The following MVD variants were observed in gnomAD, a reference collection of about 807,000 sequenced individuals.
MVD encodes the protein diphosphomevalonate decarboxylase.
Under a neutral mutation model 42.4 loss-of-function variants are expected in MVD, and 52 were observed. The observed-to-expected ratio is 1.23, with a 90% CI of 0.98 to 1.55. The LOEUF (loss-of-function observed/expected upper bound fraction) is 1.55. Among genes scored for constraint, MVD ranks in the 40% most tolerant of loss-of-function variants. The pLI, the probability that MVD is intolerant of heterozygous loss-of-function variation, is 0.00. For synonymous variants in MVD, 287 were observed against 243.2 expected (o/e 1.18, Z -1.68); for missense variants, 663 against 572.1 (o/e 1.16, Z -1.62).
In MVD at chr16:88,663,067, T is replaced by C; in HGVS notation, c.14A>G (p.Lys5Arg). The change falls in exon 1 of 10, where the codon AAG becomes AGG. Residue 5 changes from lysine to arginine, a missense_variant. Transcript: ENST00000301012. ...TGTACAAGTGACTGCCGCCAGCGGC[T>C]TCTCCGAGGCCATGGTCCCACCGCG... MASE[K>R]PLAAVTCTAP... The C allele has an allele frequency of 1.9e-6, 3 of 1,609,938 alleles. No individual in the cohort carries two copies. The highest frequency in any genetic ancestry group is 2.5e-6 in the Non-Finnish European group (3 of 1,178,846).
chr16:88,654,563 C>G (rs1907783755), intron 8 of MVD, 129 bp downstream of exon 8: 2 of 891,562 alleles, frequency 2.2e-6, no homozygotes. Context: ...GGCTCCCACA[C>G]TCGGGGGACT....
chr16:88,658,536 C>G (rs992087238), intron 2 of MVD, 114 bp downstream of exon 2: 1 of 1,031,072 alleles, frequency 9.7e-7, no homozygotes, highest in South Asian at 1.4e-5. Flanking sequence ...GCTCAAGAGA[C>G]TCTCCCCAAG....
At chr16:88,662,889 T>C in intron 1 of MVD, 122 bp downstream of exon 1, 1 of 1,487,264 alleles carries the variant, frequency 6.7e-7, no homozygotes, top group Non-Finnish European at 8.9e-7. Flanking sequence ...GAGCCTCAGT[T>C]TCCCCGTCTG....
In MVD at chr16:88,656,162, G is replaced by A. The variant is rs151169898; in HGVS notation, c.546C>T (p.Ile182=). The A allele has an allele frequency of 1.4e-5, 22 of 1,602,050 alleles. No individual in the cohort carries two copies. Among genetic ancestry groups the A allele is most frequent in the Middle Eastern group, 1.6e-4 (1 of 6,084 alleles). ...MGEQADGKDS[I]ARQVAPESHW... is the part of the protein sequence containing the mutation. ...GTGACTCGGGGGCCACTTGCCGAGC[G>A]ATGCTGTCCTTCCCGTCGGCCTGCT... The change falls in exon 5 of 10, where the codon ATC becomes ATT. Residue 182 remains isoleucine (I), a synonymous_variant. Transcript: ENST00000301012.
chr16:88,661,361 A>G (rs1033258552), intron 1 of MVD, among the ~76,000 whole-genome samples: 1 of 152,212 alleles, frequency 6.6e-6, no homozygotes, highest in African/African-American at 2.4e-5. Context: ...CCACATGTCC[A>G]ACAGGAGACT....
At chr16:88,662,418 G>A (rs536956886) in intron 1 of MVD, among the ~76,000 whole-genome samples, 1 of 152,374 alleles carries the variant, frequency 6.6e-6, no homozygotes, top group African/African-American at 2.4e-5. Flanking sequence ...AGAAATGAGT[G>A]GTCAGTGGCG....
In MVD at chr16:88,655,333, G is replaced by C. The variant is rs770206347; in HGVS notation, c.763C>G (p.Leu255Val). 6.2e-7 allele frequency: 1 copy of C among 1,601,282 alleles called. No individual in the cohort carries two copies. The part of the protein sequence containing the change: ...RERDFPSFAQ[L>V]TMKDSNQFHA... Reference sequence around the variant, plus strand: ...AACTGGTTGCTGTCCTTCATGGTCAGCTGGGCGAAGCTGGGGAAGTCTCGC... The same window carrying C: ...AACTGGTTGCTGTCCTTCATGGTCACCTGGGCGAAGCTGGGGAAGTCTCGC... The change falls in exon 7 of 10, where the codon CTG (leucine) becomes GTG (valine). Residue 255 changes from leucine (L) to valine (V), a missense_variant. By Grantham distance (32) the Leu-to-Val change is conservative (BLOSUM62 1). Transcript: ENST00000301012.
rs1047499515 is a variant in MVD at position 88,653,211 on chromosome 16, G to T, written c.1122+89C>A. On this transcript the variant is annotated intron_variant, in intron 9 of 9. Coordinates refer to ENST00000301012, the MANE Select transcript of MVD (RefSeq NM_002461.3). ...TGAGACACGGTAGGGACAGGGAGCC[G>T]CGCTTAGCCTTTAAGGGCCCTGGGG... The T allele has an allele frequency of 6.8e-5, 69 of 1,012,352 alleles. No individual in the cohort carries two copies. In the East Asian group the frequency reaches 1.8e-3, roughly 26 times the overall value. The allele number at this position is 1,012,352 out of a possible 1,614,324, so 62.7% of individuals were successfully genotyped here.
chr16:88,654,757 G>T lies in MVD; in HGVS notation c.948C>A (p.Asp316Glu). Reference protein sequence around the residue: ...AGPNAVIFTLDDTVAEFVAAV... With the variant: ...AGPNAVIFTLEDTVAEFVAAV... ...CAGCCACAAACTCAGCCACAGTGTC[G>T]TCCAGGGTGAAGATCACGGCATTGG... Residue 316 changes from aspartate to glutamate, a missense_variant, in exon 8 of 10, where the codon GAC becomes GAA. Asp to Glu is a conservative substitution (Grantham distance 45). Transcript: ENST00000301012. 6.2e-7 allele frequency: 1 copy of T among 1,600,638 alleles called. No individual in the cohort carries two copies. The highest frequency in any genetic ancestry group is 8.5e-7 in the Non-Finnish European group (1 of 1,175,774).
Position 88,656,156 on chromosome 16 carries a change from C to A in MVD, c.552G>T (p.Arg184=), listed in dbSNP as rs1907910306. ...GCCAGTGTGACTCGGGGGCCACTTG[C>A]CGAGCGATGCTGTCCTTCCCGTCGG... is the stretch of plus-strand genomic sequence containing the variant. ...EQADGKDSIA[R]QVAPESHWPE... is the part of the protein sequence containing the mutation. The change falls in exon 5 of 10, where the codon CGG becomes CGT. Residue 184 remains arginine (R), a synonymous_variant. Coordinates refer to ENST00000301012, the MANE Select transcript of MVD (RefSeq NM_002461.3). 6.2e-7 allele frequency: 1 copy of A among 1,602,220 alleles called. No homozygotes were observed. Among genetic ancestry groups the A allele is most frequent in the Non-Finnish European group, 8.5e-7 (1 of 1,179,914 alleles).
chr16:88,654,920 C>T, intron 7 of MVD, 113 bp from the exon 8 acceptor site: 1 of 1,061,986 alleles, frequency 9.4e-7, no homozygotes, highest in Non-Finnish European at 1.3e-6. Flanking sequence ...TCTAGGCCCT[C>T]AGGGCCACAC....
At chr16:88,655,867 G>C in intron 5 of MVD, 137 bp from the exon 6 acceptor site, 2 of 1,172,950 alleles carry the variant, frequency 1.7e-6, no homozygotes, top group African/African-American at 1.5e-5. Context: ...TGACCACAGA[G>C]GCCTCCCGGC....
At chr16:88,658,583 G>A (rs1908088095) in intron 2 of MVD, 67 bp downstream of exon 2, 2 of 1,511,850 alleles carry the variant, frequency 1.3e-6, no homozygotes, top group Non-Finnish European at 1.8e-6. Context: ...ATACCCAACG[G>A]GTACCAACTG....
intron 4 of MVD, 43 bp from the exon 5 acceptor site, chr16:88,656,347 C>G: frequency 4.4e-6 from 7 of 1,586,624 alleles, no homozygotes; most frequent in Non-Finnish European, 6.0e-6. Context: ...GAGCTGCCTG[C>G]GCTGTGCTCC....
At chr16:88,653,097 C>T (rs571540419) in intron 9 of MVD, among the ~76,000 whole-genome samples, 31 of 152,324 alleles carry the variant, frequency 2.0e-4, no homozygotes, top group Middle Eastern at 3.4e-3. Flanking sequence ...CCACCCTCAG[C>T]GCAGCCCTGC....
intron 1 of MVD, 94 bp downstream of exon 1, chr16:88,662,917 C>T (rs1908403546): frequency 6.5e-7 from 1 of 1,536,940 alleles, no homozygotes; most frequent in African/African-American, 1.4e-5. Flanking sequence ...CCTGGGAGGG[C>T]AGGACGGAGC....
At chr16:88,657,250 G>A (rs1305942005) in intron 4 of MVD, 186 bp downstream of exon 4, 1 of 873,184 alleles carries the variant, frequency 1.1e-6, no homozygotes, top group South Asian at 1.4e-5. Flanking sequence ...AGCTGCAACT[G>A]GAAGATGAAA....
Position 88,654,676 on chromosome 16 carries a change from C to G in MVD, c.1013+16G>C. Reference sequence around the variant, plus strand: ...ACCATCTCCCAAAAAGGAGGAGGGGCGGGGTCCACACTCACGTGTCTCCAT... The same window carrying G: ...ACCATCTCCCAAAAAGGAGGAGGGGGGGGGTCCACACTCACGTGTCTCCAT... On this transcript the variant is annotated intron_variant, in intron 8 of 9. Transcript: ENST00000301012. The G allele has an allele frequency of 2.5e-6, 4 of 1,585,486 alleles. No homozygotes were observed. The highest frequency in any genetic ancestry group is 3.4e-6 in the Non-Finnish European group (4 of 1,169,742).
chr16:88,655,758 A>G, intron 5 of MVD, 28 bp from the exon 6 acceptor site: 1 of 1,548,946 alleles, frequency 6.5e-7, no homozygotes, highest in South Asian at 1.2e-5. Flanking sequence ...AGCCTGGGCC[A>G]CACCCTGCAG....
Sources: gnomAD v4.1 joint callset for allele counts (sites outside exome capture counted in the v4.1 genomes callset) on GRCh38, gnomAD v4.1.1 for gene constraint, MANE v1.5 for transcripts, NCBI Gene and HGNC (gene_info 2026-07-23, HGNC 2026-07-21) for gene names.